Variants in TACC2 observed in about 807,000 individuals in gnomAD.
TACC2 encodes the protein transforming acidic coiled-coil-containing protein 2.
Under a neutral mutation model 227.3 loss-of-function variants are expected in TACC2, and 137 were observed. That is an observed-to-expected ratio of 0.60 (90% CI 0.52 to 0.69). The LOEUF is 0.69. Ranked by LOEUF, TACC2 falls within the 30% of genes least tolerant of loss-of-function variation. TACC2 has a pLI of 0.00. For missense variants in TACC2, 3,470 were observed against 3,694.4 expected (o/e 0.94, Z 1.57); for synonymous variants, 1,523 against 1,487.5 (o/e 1.02, Z -0.55).
At chr10:122,127,157 T>C (rs2087041472) in intron 5 of TACC2, 1 of 159,656 alleles carries the variant, frequency 6.3e-6, no homozygotes, top group Non-Finnish European at 1.4e-5. Flanking sequence ...GCAATACATC[T>C]CTGTTGTTCA....
At chr10:122,167,132 A>T (rs772263928) in intron 7 of TACC2, among the ~76,000 whole-genome samples, 2 of 152,224 alleles carry the variant, frequency 1.3e-5, no homozygotes, top group Admixed American at 6.5e-5. Context: ...GGGGGCCATT[A>T]TCAGAGAGCA....
rs1395314344 is a variant in TACC2, at chr10:122,211,514, C to T, written c.7089C>T (p.Pro2363=). The T allele has an allele frequency of 3.1e-6, 5 of 1,613,670 alleles. No homozygotes were observed. Among genetic ancestry groups the T allele is most frequent in the Non-Finnish European group, 1.7e-6 (2 of 1,179,848 alleles). The change falls in exon 9 of 23, where the codon CCC becomes CCT. Residue 2363 remains proline, a synonymous_variant. Coordinates refer to ENST00000369005, the MANE Select transcript of TACC2 (RefSeq NM_206862.4). ...TSKMQESPKL[P]QQSYNFDPDT... ...AAATGCAGGAGTCTCCCAAACTGCC[C>T]CAACAATCATACAACTTTGACCCAG...
intron 7 of TACC2, among the ~76,000 whole-genome samples, chr10:122,189,938 T>C (rs1055754009): frequency 5.3e-5 from 8 of 152,192 alleles, no homozygotes; most frequent in African/African-American, 1.7e-4. Flanking sequence ...TAGGATATGA[T>C]CTCTAAATTT....
At position 122,249,600 on chromosome 10, in the gene TACC2, A is replaced by G; in HGVS notation, c.8717A>G (p.His2906Arg). The change falls in exon 22 of 23, where the codon CAC becomes CGC. Residue 2906 changes from histidine (H) to arginine (R), a missense_variant. His to Arg is a conservative substitution (Grantham distance 29). Transcript: ENST00000369005. ...AAGGCCCAGCAGGAGCAAGCCGCCC[A>G]CCAGGCCAGCCTGCGGAAGGAGCAG... ...RGKAQQEQAA[H>R]QASLRKEQLR... The G allele has an allele frequency of 1.2e-6, 2 of 1,614,078 alleles. No individual in the cohort carries two copies. Among genetic ancestry groups the G allele is most frequent in the Non-Finnish European group, 1.7e-6 (2 of 1,180,002 alleles).
intron 7 of TACC2, 104 bp downstream of exon 7, chr10:122,143,810 A>G (rs1474325749): frequency 1.8e-5 from 24 of 1,331,996 alleles, no homozygotes; most frequent in Non-Finnish European, 2.4e-5. Context: ...GATGGTAACA[A>G]GGTGGTGACC....
chr10:122,228,057 A>T (rs548669247), intron 14 of TACC2, 49 bp downstream of exon 14: 1 of 1,569,044 alleles, frequency 6.4e-7, no homozygotes, highest in Non-Finnish European at 8.7e-7. Flanking sequence ...GGTGTGGGCC[A>T]GCTGCGTATT....
chr10:122,096,166 G>A (rs752687707), intron 5 of TACC2, among the ~76,000 whole-genome samples: 1 of 152,090 alleles, frequency 6.6e-6, no homozygotes, highest in Non-Finnish European at 1.5e-5. Flanking sequence ...GTGTGTTCGT[G>A]GCACATCTGC....
Position 122,082,993 on chromosome 10 carries a change from C to T in TACC2, c.493C>T (p.Gln165Ter), listed in dbSNP as rs770267070. 13 of 1,612,616 alleles carry T rather than the reference C, an allele frequency of 8.1e-6. No homozygotes were observed. The Admixed American group carries it at 8.3e-5, about 10-fold the overall frequency. Residue 165 changes from glutamine to a stop codon, truncating the protein, a stop_gained, in exon 4 of 23, where the codon CAA becomes TAA. Coordinates refer to ENST00000369005, the MANE Select transcript of TACC2 (RefSeq NM_206862.4). LOFTEE classifies it high-confidence loss of function. The stretch of plus-strand genomic sequence containing the variant: ...TGAGAGGGACAGCTCTACTCCATAC[C>T]AAGAGATTGCTGCCGTCCCCAGTGC... ...PAERDSSTPY[Q>*]EIAAVPSAGR...
intron 3 of TACC2, among the ~76,000 whole-genome samples, chr10:122,061,510 T>C (rs2076823393): frequency 6.6e-6 from 1 of 152,058 alleles, no homozygotes; most frequent in South Asian, 2.1e-4. Context: ...AGACCCGGGC[T>C]TGTGCTGGGG....
rs1439640264 is a variant in TACC2, at chr10:122,202,735, T to C, written c.5971+7559T>C. ...GGGATTTGGCAGGGTCACAGGACAA[T>C]AGTGGAGGGAAGGTCAGCAGATAAA... On this transcript the variant is annotated intron_variant, in intron 8 of 22. Transcript: ENST00000369005. Among the ~76,000 whole-genome samples the C allele has an allele frequency of 2.0e-5, 3 of 147,298 alleles. 1 individual carries two copies. In the South Asian group the frequency reaches 6.5e-4, roughly 32 times the overall value.
Position 122,085,788 on chromosome 10 carries a change from G to A in TACC2, c.3288G>A (p.Pro1096=), listed in dbSNP as rs41288006. ...GCAGGCAGCAACCAGTGCCGGCCCC[G>A]CAGCAGAAAATGGAGTGCTGGGCCA... The part of the protein sequence containing the change: ...QEGRQQPVPA[P]QQKMECWATS... Residue 1096 remains proline, a synonymous_variant, in exon 4 of 23, where the codon CCG becomes CCA. Coordinates refer to ENST00000369005, the MANE Select transcript of TACC2 (RefSeq NM_206862.4). 1.3e-3 allele frequency: 2,168 copies of A among 1,613,598 alleles called. 1 individual carries two copies. The highest frequency in any genetic ancestry group is 1.7e-3 in the Non-Finnish European group (1,970 of 1,179,798).
chr10:122,004,260 T>G (rs974690260), intron 1 of TACC2, among the ~76,000 whole-genome samples: 2 of 151,946 alleles, frequency 1.3e-5, no homozygotes, highest in South Asian at 4.2e-4. Context: ...TAGTCGGGTG[T>G]GGTGGTGGGC....
chr10:122,216,366 G>A (rs1404756229), intron 10 of TACC2, among the ~76,000 whole-genome samples: 2 of 142,972 alleles, frequency 1.4e-5, no homozygotes, highest in South Asian at 2.5e-4. Flanking sequence ...AAGTAACTAA[G>A]ACACAAAATC....
Position 122,249,129 on chromosome 10 carries a change from A to G in TACC2, c.8633A>G (p.Lys2878Arg). The change falls in exon 21 of 23, where the codon AAG becomes AGG. Residue 2878 changes from lysine (K) to arginine (R), a missense_variant. Physicochemically the swap from Lys to Arg is conservative, Grantham distance 26. Around this residue, in one of 10 missense-constraint regions of TACC2, gnomAD observed 89 missense variants for 91.4 expected, o/e 0.97. Transcript: ENST00000369005. The stretch of plus-strand genomic sequence containing the variant: ...GAGGAGCAGAGGTACCAGGCCCTGA[A>G]GGTGCACGCGGAGGAGAAACTGGAC... ...KKEEQRYQAL[K>R]VHAEEKLDRA... 1.2e-6 allele frequency: 2 copies of G among 1,612,510 alleles called. No individual in the cohort carries two copies. The highest frequency in any genetic ancestry group is 1.7e-6 in the Non-Finnish European group (2 of 1,179,704).
chr10:122,021,243 G>C (rs1031776695), intron 1 of TACC2, among the ~76,000 whole-genome samples: 2 of 149,848 alleles, frequency 1.3e-5, no homozygotes, highest in Admixed American at 6.7e-5. Flanking sequence ...AAAAAAAGGC[G>C]GGGGGGAAGA....
At chr10:122,049,253 T>A (rs1243963768) in intron 2 of TACC2, among the ~76,000 whole-genome samples, 4 of 152,216 alleles carry the variant, frequency 2.6e-5, no homozygotes, top group Non-Finnish European at 5.9e-5. Flanking sequence ...CCAGCAGGGC[T>A]GCTCCCTCTG....
intron 7 of TACC2, among the ~76,000 whole-genome samples, chr10:122,145,809 T>G (rs2091299844): frequency 6.6e-6 from 1 of 152,186 alleles, no homozygotes; most frequent in Non-Finnish European, 1.5e-5. Flanking sequence ...GCTCTATGTC[T>G]TTCTTTCCTG....
At chr10:122,099,208 G>A (rs891196112) in intron 5 of TACC2, among the ~76,000 whole-genome samples, 4 of 152,224 alleles carry the variant, frequency 2.6e-5, no homozygotes, top group Non-Finnish European at 5.9e-5. Context: ...AGCTGGAGGA[G>A]TAGACTGTTC....
intron 8 of TACC2, among the ~76,000 whole-genome samples, chr10:122,207,750 G>A (rs2095169929): frequency 6.6e-6 from 1 of 152,238 alleles, no homozygotes; most frequent in African/African-American, 2.4e-5. Context: ...GAAGCAATGA[G>A]CAGATGGTTA....
Sources: gnomAD v4.1 joint callset for allele counts (sites outside exome capture counted in the v4.1 genomes callset) on GRCh38, gnomAD v4.1.1 for gene constraint, gnomAD v4.1.1 regional missense constraint, MANE v1.5 for transcripts, NCBI Gene and HGNC (gene_info 2026-07-23, HGNC 2026-07-21) for gene names.